The following RPL24 variants were observed in gnomAD, a reference collection of about 807,000 sequenced individuals.
RPL24 encodes large ribosomal subunit protein eL24.
RPL24 carries 7 observed loss-of-function variants against 26.4 expected under a neutral mutation model. That is an observed-to-expected ratio of 0.27 (90% CI 0.15 to 0.50). RPL24 has a LOEUF of 0.50. Among genes scored for constraint, RPL24 ranks in the 20% least tolerant of loss-of-function variants. The probability of loss-of-function intolerance (pLI) is 0.98; values close to 1 mark genes in which losing one functional copy is unlikely to be tolerated. For synonymous variants in RPL24, 67 were observed against 65.2 expected (o/e 1.03, Z -0.13); for missense variants, 109 against 194.9 (o/e 0.56, Z 2.62).
intron 2 of RPL24, 186 bp from the exon 3 acceptor site, chr3:101,686,114 G>A (rs771541537): frequency 5.1e-6 from 3 of 582,652 alleles, no homozygotes; most frequent in Non-Finnish European, 9.2e-6. Context: ...GAAGGTCCTT[G>A]CGTTTAGTCT....
rs772527809 is a variant in RPL24, at chr3:101,686,687, C to T, written c.-11G>A. 5.6e-6 allele frequency: 9 copies of T among 1,614,054 alleles called. No individual in the cohort carries two copies. In the African/African-American group the frequency reaches 9.3e-5, roughly 17 times the overall value. ...TCGTGCTTACTTCATGGCGACAGCT[C>T]CACGGAAAGACAAAAGATGGCGAAA... is the stretch of plus-strand genomic sequence containing the variant. On this transcript the variant is annotated 5_prime_UTR_variant, in exon 1 of 6. Coordinates refer to ENST00000394077, the MANE Select transcript of RPL24 (RefSeq NM_000986.4).
intron 4 of RPL24, 91 bp downstream of exon 4, chr3:101,682,679 AT>A (rs1937278617): frequency 7.6e-7 from 1 of 1,322,124 alleles, no homozygotes; most frequent in Admixed American, 2.1e-5. Context: ...AGCTTAACAT[AT>A]ATTAATCTAT....
At position 101,686,485 on chromosome 3, in the gene RPL24, C is replaced by T. The variant is rs374434389; in HGVS notation, c.78G>A (p.Gly26=). 2 of 1,613,654 alleles carry T rather than the reference C, an allele frequency of 1.2e-6. No homozygotes were observed. Among genetic ancestry groups the T allele is most frequent in the Admixed American group, 1.7e-5 (1 of 59,868 alleles). Reference sequence around the variant, plus strand: ...TGAAGCCGACGCGGCTTTTTACCTTCCCGTCGGTCCTGGCGTAGCGCCTCC... The same window carrying T: ...TGAAGCCGACGCGGCTTTTTACCTTTCCGTCGGTCCTGGCGTAGCGCCTCC... ...GHGRRYARTD[G]KVFQFLNAKC... is the part of the protein sequence containing the mutation. Residue 26 remains glycine (G), a synonymous_variant, in exon 2 of 6, where the codon GGG becomes GGA. Coordinates refer to ENST00000394077, the MANE Select transcript of RPL24 (RefSeq NM_000986.4).
intron 5 of RPL24, 199 bp from the exon 6 acceptor site, chr3:101,681,414 C>T (rs1937260886): frequency 1.7e-6 from 1 of 572,966 alleles, no homozygotes. Context: ...CTAAGATACC[C>T]TCACAGACTG....
chr3:101,685,213 T>C (rs544091025), intron 3 of RPL24, among the ~76,000 whole-genome samples: 52 of 152,250 alleles, frequency 3.4e-4, no homozygotes, highest in Non-Finnish European at 6.6e-4. Context: ...AATAGGTGTG[T>C]CATATCCACT....
At position 101,685,889 on chromosome 3, in the gene RPL24, G is replaced by T; in HGVS notation, c.121C>A (p.Leu41Ile). Reference protein sequence around the residue: ...FLNAKCESAFLSKRNPRQINW... With the variant: ...FLNAKCESAFISKRNPRQINW... ...ATCTGCCGAGGATTCCTCTTGGAAA[G>T]GAAAGCCGACTCGCATTTCGCATTA... Residue 41 changes from leucine (L) to isoleucine (I), a missense_variant, in exon 3 of 6, where the codon CTT becomes ATT. Physicochemically the swap from Leu to Ile is conservative, Grantham distance 5. Coordinates refer to ENST00000394077, the MANE Select transcript of RPL24 (RefSeq NM_000986.4). 1 of 1,614,032 alleles carries T rather than the reference G, an allele frequency of 6.2e-7. No homozygotes were observed. The highest frequency in any genetic ancestry group is 1.7e-5 in the Admixed American group (1 of 60,022).
chr3:101,684,761 G>A (rs1576659111), intron 3 of RPL24, among the ~76,000 whole-genome samples: 2 of 83,190 alleles, frequency 2.4e-5, no homozygotes, highest in South Asian at 5.4e-4. Flanking sequence ...CTGAGCAACA[G>A]AGGACCTGTC....
rs57278210 is a variant in RPL24 at position 101,684,776 on chromosome 3, C to CAAAAAAAAAAAAAA, written c.192+1028_192+1041dup. On this transcript the variant is annotated intron_variant, in intron 3 of 5. Coordinates refer to ENST00000394077, the MANE Select transcript of RPL24 (RefSeq NM_000986.4). ...CTGAGCAACAGAGGACCTGTCTCCCCAAAAAAAAAAAAAAAAAAAAAAAAA... is the reference window on the plus strand; with the variant it reads ...CTGAGCAACAGAGGACCTGTCTCCCCAAAAAAAAAAAAAAAAAAAAAAAAAAAAAAAAAAAAAAA... Among the ~76,000 whole-genome samples the CAAAAAAAAAAAAAA allele has an allele frequency of 2.0e-3, 107 of 53,208 alleles. 8 individuals carry two copies. Among genetic ancestry groups the CAAAAAAAAAAAAAA allele is most frequent in the Non-Finnish European group, 2.4e-3 (74 of 31,344 alleles). 34.9% of individuals were successfully genotyped at this position (53,208 alleles called of 152,430 possible).
In RPL24 at chr3:101,685,888, A is replaced by G. The variant is rs1937333292; in HGVS notation, c.122T>C (p.Leu41Pro). ...FLNAKCESAFLSKRNPRQINW... is the reference protein window; with the variant it reads ...FLNAKCESAFPSKRNPRQINW... ...TATCTGCCGAGGATTCCTCTTGGAA[A>G]GGAAAGCCGACTCGCATTTCGCATT... Residue 41 changes from leucine (L) to proline (P), a missense_variant, in exon 3 of 6, where the codon CTT (leucine) becomes CCT (proline). Physicochemically the swap from Leu to Pro is moderately conservative, Grantham distance 98. Around this residue, in one of 3 missense-constraint regions of RPL24, gnomAD observed 69 missense variants for 96.2 expected, o/e 0.72. Transcript: ENST00000394077. 6.2e-7 allele frequency: 1 copy of G among 1,614,002 alleles called. No individual in the cohort carries two copies. Among genetic ancestry groups the G allele is most frequent in the Non-Finnish European group, 8.5e-7 (1 of 1,179,958 alleles).
chr3:101,686,353 CCA>C (rs200924292), intron 2 of RPL24, 127 bp downstream of exon 2: 14,387 of 723,700 alleles, frequency 0.02, 179 homozygotes, highest in Middle Eastern at 0.045. Flanking sequence ...AACGACCAGT[CCA>C]CAGAGCGTCC....
At chr3:101,683,928 TCTCTAACGC>T (rs1937296451) in intron 3 of RPL24, among the ~76,000 whole-genome samples, 1 of 152,006 alleles carries the variant, frequency 6.6e-6, no homozygotes, top group South Asian at 2.1e-4. Flanking sequence ...CCCAGGCTGG[TCTCTAACGC>T]CTGAGCTCAG....
rs187726310 is a variant in RPL24, at chr3:101,685,974, A to T, written c.82-46T>A. The T allele has an allele frequency of 1.1e-4, 139 of 1,224,984 alleles. No homozygotes were observed. The East Asian group carries it at 2.7e-3, about 24-fold the overall frequency. 75.9% of individuals were successfully genotyped at this position (1,224,984 alleles called of 1,614,324 possible). A position where few individuals can be genotyped will look rare whatever the true frequency, so the allele number is the denominator to read the frequency against. ...GAATTACTATTTAACTATACAAAGT[A>T]CAAGAGGCTGAGTAAGCTTGGAATC... is the stretch of plus-strand genomic sequence containing the variant. On this transcript the variant is annotated intron_variant, in intron 2 of 5. Coordinates refer to ENST00000394077, the MANE Select transcript of RPL24 (RefSeq NM_000986.4).
At chr3:101,681,275 C>T (rs1389282036) in intron 5 of RPL24, 60 bp from the exon 6 acceptor site, 1 of 1,098,118 alleles carries the variant, frequency 9.1e-7, no homozygotes. Flanking sequence ...TATTACCCAT[C>T]TCTCACATCC....
At chr3:101,682,991 G>A (rs1382154281) in intron 3 of RPL24, 84 bp from the exon 4 acceptor site, 4 of 1,198,026 alleles carry the variant, frequency 3.3e-6, no homozygotes, top group Admixed American at 2.4e-5. Flanking sequence ...TTAAGACAGG[G>A]CAAATGAAGT....
chr3:101,685,613 G>A (rs1405577190), intron 3 of RPL24, among the ~76,000 whole-genome samples: 1 of 152,196 alleles, frequency 6.6e-6, no homozygotes, highest in Non-Finnish European at 1.5e-5. Context: ...TAATTTATCT[G>A]ACTTTAAAAT....
Position 101,685,819 on chromosome 3 carries a change from G to C in RPL24, c.191C>G (p.Ser64Trp). ...LYRRKHKKGQ[S>W]EEIQKKRTRR... ...AACATCAAGGCGTATTCCACTTACCGACTGTCCCTTTTTGTGCTTCCTTCT... is the reference window on the plus strand; with the variant it reads ...AACATCAAGGCGTATTCCACTTACCCACTGTCCCTTTTTGTGCTTCCTTCT... The change falls in exon 3 of 6, where the codon TCG becomes TGG. Residue 64 changes from serine (S) to tryptophan (W), a missense_variant and splice_region_variant. Around this residue, in one of 3 missense-constraint regions of RPL24, gnomAD observed 69 missense variants for 96.2 expected, o/e 0.72. Transcript: ENST00000394077. 6.4e-7 allele frequency: 1 copy of C among 1,572,842 alleles called. No individual in the cohort carries two copies. The highest frequency in any genetic ancestry group is 8.7e-7 in the Non-Finnish European group (1 of 1,144,334).
chr3:101,681,112 A>C lies in RPL24; in HGVS notation c.*23T>G, dbSNP rs774417834. 6.5e-7 allele frequency: 1 copy of C among 1,545,166 alleles called. No individual in the cohort carries two copies. Among genetic ancestry groups the C allele is most frequent in the Admixed American group, 1.7e-5 (1 of 59,356 alleles). On this transcript the variant is annotated 3_prime_UTR_variant, in exon 6 of 6. Transcript: ENST00000394077. ...AACCTAGAGTTATAATCCAATCTTT[A>C]TTTAAAAATCTAATCTGCCAGTTTA...
At chr3:101,682,404 G>C (rs41273611) in intron 5 of RPL24, 25 bp downstream of exon 5, 112,917 of 1,589,572 alleles carry the variant, frequency 0.071, 4,361 homozygotes, top group Middle Eastern at 0.12. Flanking sequence ...TATTGTTCAA[G>C]AAAGTAAAGA....
intron 1 of RPL24, 48 bp from the exon 2 acceptor site, chr3:101,686,605 C>A: frequency 2.5e-6 from 4 of 1,613,944 alleles, no homozygotes; most frequent in Non-Finnish European, 3.4e-6. Flanking sequence ...TACAGCCATG[C>A]CAGGGACGAC....
Sources: gnomAD v4.1 joint callset for allele counts (sites outside exome capture counted in the v4.1 genomes callset) on GRCh38, gnomAD v4.1.1 for gene constraint, gnomAD v4.1.1 regional missense constraint, MANE v1.5 for transcripts, NCBI Gene and HGNC (gene_info 2026-07-23, HGNC 2026-07-21) for gene names.